Variants in MICU3 observed in about 807,000 individuals in gnomAD.
The protein encoded by MICU3 is mitochondrial calcium uptake 3, also known as calcium uptake protein 3, mitochondrial.
Under a neutral mutation model 66.5 loss-of-function variants are expected in MICU3, and 62 were observed. That is an observed-to-expected ratio of 0.93 (90% CI 0.76 to 1.15). The LOEUF is 1.15. Among genes scored for constraint, MICU3 ranks in the 50% most tolerant of loss-of-function variants. MICU3 has a pLI of 0.00. For missense variants in MICU3, 779 were observed against 664.4 expected (o/e 1.17, Z -1.90); for synonymous variants, 308 against 240.7 (o/e 1.28, Z -2.59).
the MICU3 span, among the ~76,000 whole-genome samples, chr8:17,128,067 G>A: frequency 1.3e-5 from 2 of 152,014 alleles, no homozygotes; most frequent in East Asian, 1.9e-4. Flanking sequence ...GGGAGCCTGC[G>A]GGCTTTATGG....
At chr8:17,077,723 T>C (rs928496458) in intron 3 of MICU3, 60 bp from the exon 4 acceptor site, 4 of 1,178,874 alleles carry the variant, frequency 3.4e-6, no homozygotes, top group African/African-American at 1.5e-5. Flanking sequence ...AAACATGTTT[T>C]TGATCTATTT....
chr8:17,102,490 T>C (rs1052054813), intron 9 of MICU3: 1 of 138,410 alleles, frequency 7.2e-6, no homozygotes, highest in African/African-American at 3.1e-5. Flanking sequence ...ATTATTCCCA[T>C]TTTATAGATA....
chr8:17,124,365 C>T (rs1803349693), downstream of MICU3, among the ~76,000 whole-genome samples: 1 of 152,038 alleles, frequency 6.6e-6, no homozygotes, highest in African/African-American at 2.4e-5. Flanking sequence ...GTGACCAGAA[C>T]TATATATTTA....
intron 13 of MICU3, among the ~76,000 whole-genome samples, chr8:17,117,328 C>T (rs1023136342): frequency 1.3e-5 from 2 of 151,986 alleles, no homozygotes; most frequent in Admixed American, 1.3e-4. Context: ...ACTTGATGCT[C>T]TTATGTTACT....
chr8:17,033,737 A>G (rs1214930408), intron 1 of MICU3, among the ~76,000 whole-genome samples: 4 of 152,174 alleles, frequency 2.6e-5, no homozygotes, highest in African/African-American at 7.2e-5. Flanking sequence ...TGCCTGGCCA[A>G]CTATCATCAA....
chr8:17,067,743 G>C (rs1393115698), intron 2 of MICU3, among the ~76,000 whole-genome samples: 1 of 152,058 alleles, frequency 6.6e-6, no homozygotes, highest in Non-Finnish European at 1.5e-5. Flanking sequence ...CCAGCCCATA[G>C]CTGTGATAAT....
chr8:17,038,762 G>A (rs770833092), intron 1 of MICU3, among the ~76,000 whole-genome samples: 5 of 152,004 alleles, frequency 3.3e-5, no homozygotes, highest in African/African-American at 1.2e-4. Flanking sequence ...TACCATCCTG[G>A]CTAACACGGT....
intron 3 of MICU3, among the ~76,000 whole-genome samples, chr8:17,074,481 A>C (rs1820079907): frequency 6.6e-6 from 1 of 152,092 alleles, no homozygotes; most frequent in African/African-American, 2.4e-5. Context: ...TTAAATGTAA[A>C]GGGTAAATTA....
Position 17,027,566 on chromosome 8 carries a change from C to T in MICU3, c.287C>T (p.Thr96Ile). 1 of 1,280,402 alleles carries T rather than the reference C, an allele frequency of 7.8e-7. No homozygotes were observed. The highest frequency in any genetic ancestry group is 9.8e-7 in the Non-Finnish European group (1 of 1,016,022). 79.3% of individuals were successfully genotyped at this position (1,280,402 alleles called of 1,614,324 possible). Residue 96 changes from threonine to isoleucine, a missense_variant, in exon 1 of 15, where the codon ACC (threonine) becomes ATC (isoleucine). Transcript: ENST00000318063. ...YGDPRAGSPA[T>I]GRPSKSAATE... ...GACCCCAGGGCCGGCTCGCCGGCGA[C>T]CGGGCGACCCTCAAAGAGCGCGGCC...
In MICU3 at chr8:17,086,955, C is replaced by G. The variant is rs1234373284; in HGVS notation, c.778-9C>G. The G allele has an allele frequency of 1.3e-6, 2 of 1,570,900 alleles. No individual in the cohort carries two copies. The highest frequency in any genetic ancestry group is 1.7e-6 in the Non-Finnish European group (2 of 1,143,144). ...TGGATATTTGATTCTTGATTGATTT[C>G]TTTGTCAGCTTCAAGAGATATTCAG... On this transcript the variant is annotated splice_polypyrimidine_tract_variant and intron_variant, in intron 6 of 14. Coordinates refer to ENST00000318063, the MANE Select transcript of MICU3 (RefSeq NM_181723.3).
chr8:17,065,616 G>A (rs989921549), intron 2 of MICU3, among the ~76,000 whole-genome samples: 1 of 152,164 alleles, frequency 6.6e-6, no homozygotes, highest in African/African-American at 2.4e-5. Flanking sequence ...TGGAAGCCGA[G>A]TAAAATAGCC....
At chr8:17,036,061 G>C (rs896748055) in intron 1 of MICU3, among the ~76,000 whole-genome samples, 2 of 152,208 alleles carry the variant, frequency 1.3e-5, no homozygotes, top group African/African-American at 4.8e-5. Flanking sequence ...CTCGCGGTGA[G>C]TGTTACAGCT....
At chr8:17,134,962 T>C in the MICU3 span, among the ~76,000 whole-genome samples, 1 of 152,238 alleles carries the variant, frequency 6.6e-6, no homozygotes, top group Non-Finnish European at 1.5e-5. Flanking sequence ...CTTTATACTA[T>C]ACCATTTCAT....
At chr8:17,050,876 T>G (rs1815958828) in intron 1 of MICU3, among the ~76,000 whole-genome samples, 1 of 152,162 alleles carries the variant, frequency 6.6e-6, no homozygotes, top group Non-Finnish European at 1.5e-5. Flanking sequence ...AAACCTATCC[T>G]ATTTATTGTG....
chr8:17,085,598 C>T (rs1445415810), intron 6 of MICU3, among the ~76,000 whole-genome samples: 2 of 152,030 alleles, frequency 1.3e-5, no homozygotes, highest in South Asian at 2.1e-4. Context: ...AACAGGCAGT[C>T]CTCAGGTTAT....
rs145089711 is a variant in MICU3 at position 17,076,962 on chromosome 8, A to G, written c.568-821A>G. On this transcript the variant is annotated intron_variant, in intron 3 of 14. Transcript: ENST00000318063. ...GTTTCAAATTATTTCAAGTTATCTCACCGTCTTTTAATCATTTTTCTTCAC... is the reference window on the plus strand; with the variant it reads ...GTTTCAAATTATTTCAAGTTATCTCGCCGTCTTTTAATCATTTTTCTTCAC... Among the ~76,000 whole-genome samples, 469 of 152,316 alleles carry G rather than the reference A, an allele frequency of 3.1e-3. 4 individuals carry two copies. The highest frequency in any genetic ancestry group is 0.01 in the African/African-American group (432 of 41,576).
chr8:17,038,932 G>A (rs372331943), intron 1 of MICU3, among the ~76,000 whole-genome samples: 37 of 146,628 alleles, frequency 2.5e-4, no homozygotes, highest in African/African-American at 7.4e-4. Context: ...CAGCCTGGGC[G>A]ACAGAGCGAG....
At chr8:17,028,481 A>G (rs1366729557) in intron 1 of MICU3, among the ~76,000 whole-genome samples, 1 of 152,232 alleles carries the variant, frequency 6.6e-6, no homozygotes, top group Non-Finnish European at 1.5e-5. Context: ...TTTAATAGTC[A>G]TGTAAATGAC....
At chr8:17,128,629 C>T in the MICU3 span, among the ~76,000 whole-genome samples, 1 of 152,184 alleles carries the variant, frequency 6.6e-6, no homozygotes. Flanking sequence ...ACAACTACGA[C>T]ATTGCACAAC....
Sources: allele counts gnomAD v4.1 joint callset (sites outside exome capture counted in the v4.1 genomes callset), GRCh38; gene constraint gnomAD v4.1.1; transcripts MANE v1.5; gene names NCBI Gene and HGNC (gene_info 2026-07-23, HGNC 2026-07-21).